Variants in SLC4A10 observed in about 807,000 individuals in gnomAD.
The protein encoded by SLC4A10 is sodium-driven chloride bicarbonate exchanger.
Under a neutral mutation model 137.7 loss-of-function variants are expected in SLC4A10, and 42 were observed. The observed-to-expected ratio is 0.30, with a 90% CI of 0.24 to 0.39. The LOEUF (loss-of-function observed/expected upper bound fraction) is 0.39, where lower values mean the gene tolerates loss of function less well. Ranked by LOEUF, SLC4A10 falls within the 10% of genes least tolerant of loss-of-function variation. The pLI is 1.00. For synonymous variants in SLC4A10, 474 were observed against 464.1 expected (o/e 1.02, Z -0.27); for missense variants, 925 against 1,355.0 (o/e 0.68, Z 4.98).
At chr2:161,661,158 C>A (rs887929500) in intron 1 of SLC4A10, among the ~76,000 whole-genome samples, 4 of 151,966 alleles carry the variant, frequency 2.6e-5, no homozygotes, top group African/African-American at 7.2e-5. Context: ...TAGTGTAATA[C>A]GAACATCATG....
intron 3 of SLC4A10, among the ~76,000 whole-genome samples, chr2:161,807,941 A>G (rs1020206665): frequency 6.6e-6 from 1 of 152,114 alleles, no homozygotes; most frequent in African/African-American, 2.4e-5. Flanking sequence ...TTTGAACATA[A>G]TATCTATTTA....
At chr2:161,901,950 T>G (rs899095826) in intron 12 of SLC4A10, 17 of 428,404 alleles carry the variant, frequency 4.0e-5, no homozygotes, top group Non-Finnish European at 7.4e-5. Flanking sequence ...TTTTTTCTCT[T>G]TCTCAGGTGT....
chr2:161,918,124 A>G (rs966966246), intron 15 of SLC4A10, among the ~76,000 whole-genome samples: 7 of 152,156 alleles, frequency 4.6e-5, no homozygotes, highest in African/African-American at 1.7e-4. Flanking sequence ...TCACTTAAAT[A>G]TCTTCAAGAA....
chr2:161,733,245 G>T (rs1356529794), intron 1 of SLC4A10, among the ~76,000 whole-genome samples: 1 of 152,170 alleles, frequency 6.6e-6, no homozygotes, highest in Non-Finnish European at 1.5e-5. Flanking sequence ...AAGCCTAGGA[G>T]GAAAAAGTGG....
intron 1 of SLC4A10, among the ~76,000 whole-genome samples, chr2:161,767,615 A>G (rs2051054808): frequency 6.6e-6 from 1 of 151,928 alleles, no homozygotes; most frequent in Non-Finnish European, 1.5e-5. Context: ...AAATATTGTG[A>G]TATTTTTCTC....
In SLC4A10 at chr2:161,855,040, T is replaced by C; in HGVS notation, c.487T>C (p.Ser163Pro). The C allele has an allele frequency of 6.2e-7, 1 of 1,613,492 alleles. No individual in the cohort carries two copies. Among genetic ancestry groups the C allele is most frequent in the South Asian group, 1.1e-5 (1 of 91,026 alleles). ...RWSKPYVATLSLHSLFELRSC... is the reference protein window; with the variant it reads ...RWSKPYVATLPLHSLFELRSC... ...GAGCAAGCCTTATGTGGCTACTCTTTCATTGCACAGCTTGTTTGAATTGAG... is the reference window on the plus strand; with the variant it reads ...GAGCAAGCCTTATGTGGCTACTCTTCCATTGCACAGCTTGTTTGAATTGAG... The change falls in exon 5 of 27, where the codon TCA becomes CCA. Residue 163 changes from serine (S) to proline (P), a missense_variant. Ser to Pro is a moderately conservative substitution (Grantham distance 74, BLOSUM62 -1). This residue lies in a region of SLC4A10 where 277 missense variants were observed against 306.1 expected (regional missense o/e 0.90). Transcript: ENST00000446997.
intron 1 of SLC4A10, among the ~76,000 whole-genome samples, chr2:161,671,804 C>T (rs1266253673): frequency 1.3e-5 from 2 of 152,088 alleles, no homozygotes; most frequent in African/African-American, 4.8e-5. Context: ...GTGCTAGGTA[C>T]TAGAGGAGAC....
chr2:161,740,705 C>T (rs1574683943), intron 1 of SLC4A10, among the ~76,000 whole-genome samples: 1 of 152,138 alleles, frequency 6.6e-6, no homozygotes, highest in East Asian at 1.9e-4. Flanking sequence ...ACTATGTGGT[C>T]TTGGAAATCT....
chr2:161,870,417 CT>C (rs2061045363), intron 6 of SLC4A10, among the ~76,000 whole-genome samples: 1 of 151,628 alleles, frequency 6.6e-6, no homozygotes, highest in Non-Finnish European at 1.5e-5. Context: ...AATAATTGTT[CT>C]TCCATGTAGA....
At chr2:161,710,823 G>C (rs1371045324) in intron 1 of SLC4A10, 2 of 390,166 alleles carry the variant, frequency 5.1e-6, no homozygotes, top group Non-Finnish European at 1.0e-5. Flanking sequence ...AGCATTGGAT[G>C]ATACTGTATG....
chr2:161,892,736 C>A (rs2063052687), intron 10 of SLC4A10, among the ~76,000 whole-genome samples: 1 of 152,008 alleles, frequency 6.6e-6, no homozygotes, highest in Non-Finnish European at 1.5e-5. Context: ...ATCTCAAATA[C>A]TTGTATCATT....
At chr2:161,754,847 G>A (rs1056755866) in intron 1 of SLC4A10, among the ~76,000 whole-genome samples, 6 of 152,144 alleles carry the variant, frequency 3.9e-5, no homozygotes, top group African/African-American at 1.4e-4. Flanking sequence ...GAAATAGCAA[G>A]TTCATAAGGA....
intron 8 of SLC4A10, among the ~76,000 whole-genome samples, chr2:161,876,365 A>G (rs142682411): frequency 4.6e-5 from 7 of 152,106 alleles, no homozygotes; most frequent in Non-Finnish European, 8.8e-5. Context: ...TTTAAACATA[A>G]TATTTTATTA....
At chr2:161,745,739 A>C (rs1472824033) in intron 1 of SLC4A10, among the ~76,000 whole-genome samples, 2 of 152,108 alleles carry the variant, frequency 1.3e-5, no homozygotes, top group Non-Finnish European at 2.9e-5. Flanking sequence ...AAGTGAATTA[A>C]GGGTTGTAAT....
chr2:161,925,828 G>T (rs1688965262), intron 15 of SLC4A10, among the ~76,000 whole-genome samples: 1 of 152,090 alleles, frequency 6.6e-6, no homozygotes, highest in Non-Finnish European at 1.5e-5. Flanking sequence ...TCATTCAGGA[G>T]CAGGTTGTTC....
At chr2:161,940,229 A>G (rs538689909) in intron 15 of SLC4A10, among the ~76,000 whole-genome samples, 4 of 152,302 alleles carry the variant, frequency 2.6e-5, no homozygotes, top group East Asian at 1.9e-4. Context: ...CTGGACAAGA[A>G]CACAGGGCTT....
At chr2:161,827,568 CTT>C (rs761178757) in intron 3 of SLC4A10, among the ~76,000 whole-genome samples, 2 of 145,980 alleles carry the variant, frequency 1.4e-5, no homozygotes, top group Non-Finnish European at 1.5e-5. Flanking sequence ...TTATGTGATT[CTT>C]TTTTTTTTTT....
At chr2:161,692,984 A>G (rs1381870390) in intron 1 of SLC4A10, among the ~76,000 whole-genome samples, 1 of 152,046 alleles carries the variant, frequency 6.6e-6, no homozygotes, top group Admixed American at 6.6e-5. Context: ...ATTTATTTTC[A>G]GGTTGCTTAA....
intron 2 of SLC4A10, 76 bp from the exon 3 acceptor site, chr2:161,804,373 C>T: frequency 6.9e-7 from 1 of 1,454,054 alleles, no homozygotes; most frequent in Non-Finnish European, 9.3e-7. Context: ...ATTGAGTCTC[C>T]ATTAACATGT....
Sources: allele counts gnomAD v4.1 joint callset (sites outside exome capture counted in the v4.1 genomes callset), GRCh38; gene constraint gnomAD v4.1.1; regional missense constraint gnomAD v4.1.1; transcripts MANE v1.5; gene names NCBI Gene and HGNC (gene_info 2026-07-23, HGNC 2026-07-21).